CNBD1: variants seen among roughly 807,000 people sequenced by gnomAD.
The protein encoded by CNBD1 is cyclic nucleotide binding domain containing 1, also known as cyclic nucleotide-binding domain-containing protein 1.
In CNBD1, 71 loss-of-function variants were observed where a neutral mutation model predicts 54.4. The observed-to-expected ratio is 1.30, with a 90% CI of 1.08 to 1.59. The LOEUF (loss-of-function observed/expected upper bound fraction) is 1.59. Among genes scored for constraint, CNBD1 ranks in the 40% most tolerant of loss-of-function variants. CNBD1 has a pLI of 0.00. For synonymous variants in CNBD1, 182 were observed against 170.7 expected (o/e 1.07, Z -0.51); for missense variants, 659 against 518.0 (o/e 1.27, Z -2.64).
intron 4 of CNBD1, among the ~76,000 whole-genome samples, chr8:87,131,151 T>C (rs1422622778): frequency 6.6e-6 from 1 of 152,120 alleles, no homozygotes; most frequent in Non-Finnish European, 1.5e-5. Context: ...GCATTCCTAA[T>C]TGGAATCCTT....
At chr8:87,365,364 T>G (rs564447473) in intron 10 of CNBD1, among the ~76,000 whole-genome samples, 1 of 152,050 alleles carries the variant, frequency 6.6e-6, no homozygotes, top group African/African-American at 2.4e-5. Flanking sequence ...TGCTTGTACA[T>G]TTGTTTAAGT....
chr8:87,260,275 T>A (rs1808108754), intron 6 of CNBD1, among the ~76,000 whole-genome samples: 1 of 152,170 alleles, frequency 6.6e-6, no homozygotes, highest in African/African-American at 2.4e-5. Flanking sequence ...CCCATGTGGT[T>A]ACAAGGTTAA....
intron 4 of CNBD1, among the ~76,000 whole-genome samples, chr8:87,138,579 C>G (rs1812308207): frequency 6.6e-6 from 1 of 152,174 alleles, no homozygotes; most frequent in Admixed American, 6.5e-5. Context: ...TTCTCAATCT[C>G]TTCTGGGTTA....
chr8:86,960,374 C>A (rs1038061970), intron 4 of CNBD1, among the ~76,000 whole-genome samples: 1 of 152,136 alleles, frequency 6.6e-6, no homozygotes, highest in African/African-American at 2.4e-5. Flanking sequence ...ACCCACAGAG[C>A]CTCACTCACT....
At chr8:87,271,110 G>T (rs966116385) in intron 6 of CNBD1, among the ~76,000 whole-genome samples, 1 of 151,610 alleles carries the variant, frequency 6.6e-6, no homozygotes, top group African/African-American at 2.4e-5. Flanking sequence ...TGTGATCTCA[G>T]TTGTTATGTC....
intron 4 of CNBD1, among the ~76,000 whole-genome samples, chr8:87,087,362 T>TA (rs1279974558): frequency 6.7e-6 from 1 of 149,458 alleles, no homozygotes; most frequent in Non-Finnish European, 1.5e-5. Flanking sequence ...TGAAGAGAAA[T>TA]CACTGTTTAC....
chr8:86,944,151 AATG>A (rs1410788064), intron 4 of CNBD1, among the ~76,000 whole-genome samples: 2 of 152,228 alleles, frequency 1.3e-5, no homozygotes, highest in South Asian at 2.1e-4. Flanking sequence ...AGAAGGGGGA[AATG>A]ATGATAAGTA....
intron 4 of CNBD1, among the ~76,000 whole-genome samples, chr8:87,059,770 C>G (rs926531145): frequency 6.6e-6 from 1 of 152,204 alleles, no homozygotes; most frequent in Non-Finnish European, 1.5e-5. Flanking sequence ...TAGATTTTGG[C>G]GTGGGCACAG....
intron 8 of CNBD1, among the ~76,000 whole-genome samples, chr8:87,335,277 T>A (rs1220005510): frequency 1.3e-5 from 2 of 152,134 alleles, no homozygotes; most frequent in Admixed American, 6.5e-5. Flanking sequence ...TTCTGTCTTG[T>A]TAATCTGTCT....
chr8:87,365,158 A>AT (rs1299626134), intron 10 of CNBD1, among the ~76,000 whole-genome samples: 1 of 151,838 alleles, frequency 6.6e-6, no homozygotes, highest in African/African-American at 2.4e-5. Context: ...AGCATCTGTT[A>AT]TTTTTTACTT....
At chr8:87,275,272 C>T (rs902951417) in intron 6 of CNBD1, among the ~76,000 whole-genome samples, 3 of 136,994 alleles carry the variant, frequency 2.2e-5, no homozygotes, top group African/African-American at 8.8e-5. Context: ...TTTTTGGTTC[C>T]ATATGAACTT....
chr8:87,160,407 A>G (rs1404846687), intron 4 of CNBD1, among the ~76,000 whole-genome samples: 1 of 152,036 alleles, frequency 6.6e-6, no homozygotes, highest in Non-Finnish European at 1.5e-5. Context: ...CATCAACACT[A>G]TCTAAAACTA....
Position 87,092,517 on chromosome 8 carries a change from ATGTG to A in CNBD1, c.432-113470_432-113467del, listed in dbSNP as rs1190500068. Among the ~76,000 whole-genome samples, 6 of 127,412 alleles carry A rather than the reference ATGTG, an allele frequency of 4.7e-5. No individual in the cohort carries two copies. In the South Asian group the frequency reaches 7.1e-4, roughly 15 times the overall value. The allele number at this position is 127,412 out of a possible 152,430, so 83.6% of individuals were successfully genotyped here. On this transcript the variant is annotated intron_variant, in intron 4 of 10. Transcript: ENST00000518476. ...TGTGTATATATATGTGTGTGTGTGT[ATGTG>A]TGTGTATGTATGTATGTGTGTGTAT...
At chr8:86,875,680 T>A (rs1808510180) in intron 1 of CNBD1, among the ~76,000 whole-genome samples, 1 of 152,202 alleles carries the variant, frequency 6.6e-6, no homozygotes, top group Non-Finnish European at 1.5e-5. Context: ...TTATTGCTAT[T>A]GCCTCTGGTG....
At chr8:86,952,436 T>C (rs141569629) in intron 4 of CNBD1, among the ~76,000 whole-genome samples, 1,849 of 152,194 alleles carry the variant, frequency 0.012, 31 homozygotes, top group Middle Eastern at 0.041. Flanking sequence ...TATATAGATA[T>C]ATTACAGTAT....
At chr8:87,094,675 C>A (rs1179888673) in intron 4 of CNBD1, among the ~76,000 whole-genome samples, 1 of 152,080 alleles carries the variant, frequency 6.6e-6, no homozygotes, top group Non-Finnish European at 1.5e-5. Flanking sequence ...CTGAGGGAAC[C>A]CAATAATTTA....
At chr8:87,267,373 T>C (rs2130854812) in intron 6 of CNBD1, among the ~76,000 whole-genome samples, 1 of 152,176 alleles carries the variant, frequency 6.6e-6, no homozygotes, top group South Asian at 2.1e-4. Context: ...GAAAAAAAAT[T>C]AGACAATATA....
chr8:87,414,944 T>C (rs1721743909), intron 2 of CNBD1, among the ~76,000 whole-genome samples: 1 of 152,054 alleles, frequency 6.6e-6, no homozygotes, highest in Non-Finnish European at 1.5e-5. Context: ...GGAACTGTTA[T>C]TCCCCTCAGC....
chr8:87,327,047 G>A (rs992488628), intron 8 of CNBD1, among the ~76,000 whole-genome samples: 81 of 150,098 alleles, frequency 5.4e-4, no homozygotes, highest in African/African-American at 1.9e-3. Flanking sequence ...CTGCAGATCT[G>A]TTGGAATACC....
Sources: gnomAD v4.1 joint callset for allele counts (sites outside exome capture counted in the v4.1 genomes callset) on GRCh38, gnomAD v4.1.1 for gene constraint, MANE v1.5 for transcripts, NCBI Gene and HGNC (gene_info 2026-07-23, HGNC 2026-07-21) for gene names.